Variants in ABAT observed in about 807,000 individuals in gnomAD.
ABAT encodes 4-aminobutyrate aminotransferase.
Under a neutral mutation model 64.6 loss-of-function variants are expected in ABAT, and 45 were observed. The ratio of observed to expected loss-of-function variants is 0.70; its 90% CI spans 0.55 to 0.89. ABAT has a LOEUF of 0.89. Among genes scored for constraint, ABAT ranks in the 40% least tolerant of loss-of-function variants. The pLI is 0.00. For missense variants in ABAT, 633 were observed against 658.4 expected (o/e 0.96, Z 0.42); for synonymous variants, 297 against 250.5 (o/e 1.19, Z -1.75).
At chr16:8,709,350 T>TTTTATTTATTTATTTA (rs149223193) in intron 1 of ABAT, among the ~76,000 whole-genome samples, 3 of 149,140 alleles carry the variant, frequency 2.0e-5, no homozygotes, top group African/African-American at 7.4e-5. Flanking sequence ...TGACTCACAT[T>TTTTATTTATTTATTTA]TTTATTTATT....
At chr16:8,685,970 T>C (rs2057446133) in intron 1 of ABAT, among the ~76,000 whole-genome samples, 1 of 152,206 alleles carries the variant, frequency 6.6e-6, no homozygotes, top group Admixed American at 6.5e-5. Flanking sequence ...CCCACTAGCC[T>C]TTGAGCTCAG....
intron 1 of ABAT, among the ~76,000 whole-genome samples, chr16:8,707,848 G>C (rs564150728): frequency 3.5e-4 from 54 of 152,264 alleles, no homozygotes; most frequent in African/African-American, 1.3e-3. Context: ...GAGATTACAG[G>C]AGTGAGCCAC....
chr16:8,696,492 C>T (rs867878053), intron 1 of ABAT, among the ~76,000 whole-genome samples: 6 of 152,014 alleles, frequency 3.9e-5, no homozygotes, highest in Non-Finnish European at 8.8e-5. Context: ...GGGTGGTGCA[C>T]GCCTGTAATC....
At chr16:8,773,860 G>A (rs572017751) in intron 12 of ABAT, among the ~76,000 whole-genome samples, 16 of 152,312 alleles carry the variant, frequency 1.1e-4, no homozygotes, top group African/African-American at 2.2e-4. Context: ...TTCCATCCAC[G>A]TCATTGCTAA....
chr16:8,757,471 T>G (rs1056082051), intron 5 of ABAT, among the ~76,000 whole-genome samples: 1 of 152,078 alleles, frequency 6.6e-6, no homozygotes, highest in Non-Finnish European at 1.5e-5. Context: ...CGTGGCGCAT[T>G]TATCTCACCT....
At chr16:8,683,933 C>A (rs1020529057) in intron 1 of ABAT, among the ~76,000 whole-genome samples, 1 of 147,148 alleles carries the variant, frequency 6.8e-6, no homozygotes, top group African/African-American at 2.5e-5. Context: ...GGGGTGTGTG[C>A]GTGTCTATGT....
At chr16:8,731,259 G>A (rs897791504) in intron 1 of ABAT, among the ~76,000 whole-genome samples, 1 of 152,182 alleles carries the variant, frequency 6.6e-6, no homozygotes, top group Non-Finnish European at 1.5e-5. Context: ...CACCCTGCCA[G>A]CCCAAAGAGA....
At chr16:8,741,280 C>G (rs1429785931) in intron 2 of ABAT, among the ~76,000 whole-genome samples, 1 of 152,106 alleles carries the variant, frequency 6.6e-6, no homozygotes. Flanking sequence ...CAAAATTTGC[C>G]TTTAGGAGAA....
chr16:8,727,191 T>C (rs2058583359), intron 1 of ABAT, among the ~76,000 whole-genome samples: 1 of 152,200 alleles, frequency 6.6e-6, no homozygotes, highest in Non-Finnish European at 1.5e-5. Context: ...CAGACCCTTC[T>C]GGATGCAACT....
chr16:8,775,818 C>G (rs887569563), intron 13 of ABAT, among the ~76,000 whole-genome samples: 1 of 152,172 alleles, frequency 6.6e-6, no homozygotes, highest in Non-Finnish European at 1.5e-5. Context: ...GTCACATGGC[C>G]ACTTCTAGCC....
intron 2 of ABAT, among the ~76,000 whole-genome samples, chr16:8,742,865 CAAAAAAAA>C (rs71152927): frequency 1.0e-5 from 1 of 96,996 alleles, no homozygotes; most frequent in African/African-American, 4.3e-5. Context: ...GACCCTGTCT[CAAAAAAAA>C]AAAAAAAAAA....
At chr16:8,767,663 T>A (rs1298159330) in intron 9 of ABAT, among the ~76,000 whole-genome samples, 1 of 152,060 alleles carries the variant, frequency 6.6e-6, no homozygotes, top group African/African-American at 2.4e-5. Context: ...TATGTGAAAT[T>A]TCTTAGTTTT....
intron 9 of ABAT, among the ~76,000 whole-genome samples, chr16:8,767,136 A>G (rs1386972046): frequency 2.0e-5 from 3 of 152,224 alleles, no homozygotes; most frequent in African/African-American, 7.2e-5. Context: ...AGGCACCTCC[A>G]GCAGTTCTGC....
At chr16:8,751,824 C>T (rs2059494143) in intron 5 of ABAT, among the ~76,000 whole-genome samples, 1 of 152,200 alleles carries the variant, frequency 6.6e-6, no homozygotes, top group Non-Finnish European at 1.5e-5. Context: ...GCCTCCCAGC[C>T]ATATAGAGTG....
At chr16:8,695,293 T>C (rs2057677108) in intron 1 of ABAT, among the ~76,000 whole-genome samples, 1 of 152,200 alleles carries the variant, frequency 6.6e-6, no homozygotes, top group African/African-American at 2.4e-5. Flanking sequence ...GAGATTTCTG[T>C]TGAAAGACTG....
chr16:8,708,196 T>C (rs2057991368), intron 1 of ABAT, among the ~76,000 whole-genome samples: 1 of 152,066 alleles, frequency 6.6e-6, no homozygotes, highest in South Asian at 2.1e-4. Context: ...ATTTGTTTGG[T>C]TTATTATCAG....
At chr16:8,779,268 G>T (rs1338217840) in intron 14 of ABAT, among the ~76,000 whole-genome samples, 6 of 133,522 alleles carry the variant, frequency 4.5e-5, no homozygotes, top group Middle Eastern at 4.5e-3. Flanking sequence ...GGTGGTGGTG[G>T]TTTTTTTCCT....
At chr16:8,704,694 T>C (rs1242235919) in intron 1 of ABAT, among the ~76,000 whole-genome samples, 4 of 152,206 alleles carry the variant, frequency 2.6e-5, no homozygotes, top group Non-Finnish European at 1.5e-5. Flanking sequence ...TTTTTTTCTC[T>C]CATTACATGG....
rs139580303 is a variant in ABAT, at chr16:8,762,899, G to C, written c.367-1170G>C. Among the ~76,000 whole-genome samples the C allele has an allele frequency of 6.0e-3, 912 of 152,188 alleles. 14 individuals carry two copies. The highest frequency in any genetic ancestry group is 0.021 in the African/African-American group (868 of 41,520). Reference sequence around the variant, plus strand: ...AGGCAGGCAGATCACTTGAGTCCAAGAGTTCAAGACCAGCCTGGGCAACAT... The same window carrying C: ...AGGCAGGCAGATCACTTGAGTCCAACAGTTCAAGACCAGCCTGGGCAACAT... On this transcript the variant is annotated intron_variant, in intron 6 of 15. Transcript: ENST00000268251.
Sources: gnomAD v4.1 joint callset for allele counts (sites outside exome capture counted in the v4.1 genomes callset) on GRCh38, gnomAD v4.1.1 for gene constraint, MANE v1.5 for transcripts, NCBI Gene and HGNC (gene_info 2026-07-23, HGNC 2026-07-21) for gene names.